VGLL4: variants seen among roughly 807,000 people sequenced by gnomAD.
VGLL4 encodes the protein transcription cofactor vestigial-like protein 4.
In VGLL4, 7 loss-of-function variants were observed where a neutral mutation model predicts 21.0. The observed-to-expected ratio is 0.33, with a 90% CI of 0.19 to 0.63. VGLL4 has a LOEUF of 0.63. VGLL4 is among the 20% of genes least tolerant of loss of function. The probability of loss-of-function intolerance (pLI) is 0.78; values close to 1 mark genes in which losing one functional copy is unlikely to be tolerated. For missense variants in VGLL4, 394 were observed against 425.7 expected (o/e 0.93, Z 0.66); for synonymous variants, 222 against 173.2 (o/e 1.28, Z -2.21).
At chr3:11,682,954 G>A (rs879606433) in intron 2 of VGLL4, among the ~76,000 whole-genome samples, 13 of 152,100 alleles carry the variant, frequency 8.5e-5, no homozygotes, top group Non-Finnish European at 1.2e-4. Flanking sequence ...GAGGCCAGGC[G>A]CGGTGGTTCA....
chr3:11,631,929 G>A (rs959637456), intron 1 of VGLL4, among the ~76,000 whole-genome samples: 2 of 152,136 alleles, frequency 1.3e-5, no homozygotes, highest in Non-Finnish European at 2.9e-5. Context: ...AATCCCCCTC[G>A]GAGTGCTGTA....
chr3:11,576,618 G>A (rs957968222), intron 2 of VGLL4, among the ~76,000 whole-genome samples: 13 of 152,226 alleles, frequency 8.5e-5, no homozygotes, highest in African/African-American at 3.1e-4. Context: ...TGAGACAGCT[G>A]AGGCGAGGAC....
chr3:11,673,812 G>A (rs368102253), intron 2 of VGLL4, among the ~76,000 whole-genome samples: 2 of 151,850 alleles, frequency 1.3e-5, no homozygotes, highest in Admixed American at 6.5e-5. Flanking sequence ...TCAGGGGTTC[G>A]AAACCAGCCT....
chr3:11,640,259 C>G (rs1053292920), intron 1 of VGLL4, among the ~76,000 whole-genome samples: 8 of 152,132 alleles, frequency 5.3e-5, no homozygotes, highest in African/African-American at 1.9e-4. Context: ...AGGGATGCAG[C>G]GGTCACCAAG....
At chr3:11,709,320 C>G (rs992979649) in intron 1 of VGLL4, among the ~76,000 whole-genome samples, 10 of 151,452 alleles carry the variant, frequency 6.6e-5, no homozygotes, top group African/African-American at 2.4e-4. Context: ...ACCTGTAATC[C>G]CAGCTACTCG....
At chr3:11,650,303 C>T (rs35545290) in intron 2 of VGLL4, among the ~76,000 whole-genome samples, 2,142 of 152,172 alleles carry the variant, frequency 0.014, 25 homozygotes, top group Non-Finnish European at 0.023. Flanking sequence ...GGCAATATGA[C>T]GATAGAAGAA....
chr3:11,658,624 C>T (rs1341220192), intron 2 of VGLL4, among the ~76,000 whole-genome samples: 4 of 151,874 alleles, frequency 2.6e-5, no homozygotes, highest in South Asian at 2.1e-4. Context: ...ACAGAATACG[C>T]GAACTATTCC....
chr3:11,715,828 T>C (rs1285638352), intron 1 of VGLL4, among the ~76,000 whole-genome samples: 2 of 152,176 alleles, frequency 1.3e-5, no homozygotes, highest in East Asian at 1.9e-4. Flanking sequence ...TTAATACCTA[T>C]TGTTGATTCA....
At position 11,556,706 on chromosome 3, in the gene VGLL4, C is replaced by CA. The variant is rs765220541; in HGVS notation, c.*1849dup. 2 of 152,656 alleles carry CA rather than the reference C, an allele frequency of 1.3e-5. No individual in the cohort carries two copies. Among genetic ancestry groups the CA allele is most frequent in the African/African-American group, 4.8e-5 (2 of 41,416 alleles). The allele number at this position is 152,656 out of a possible 1,614,324, so 9.5% of individuals were successfully genotyped here. A position where few individuals can be genotyped will look rare whatever the true frequency, so the allele number is the denominator to read the frequency against. ...ATATCATTAACAAATTAATGTTCTT[C>CA]AAAAAATACCTACAAATTTCTCTGT... On this transcript the variant is annotated 3_prime_UTR_variant, in exon 5 of 5. Transcript: ENST00000430365.
At chr3:11,571,343 G>A (rs1482113124) in intron 2 of VGLL4, among the ~76,000 whole-genome samples, 1 of 152,196 alleles carries the variant, frequency 6.6e-6, no homozygotes, top group Admixed American at 6.5e-5. Flanking sequence ...GCCACAGCCA[G>A]CATCACTGCC....
intron 2 of VGLL4, among the ~76,000 whole-genome samples, chr3:11,592,812 T>C (rs1437135192): frequency 6.6e-6 from 1 of 152,136 alleles, no homozygotes; most frequent in Non-Finnish European, 1.5e-5. Context: ...GGGATAACGA[T>C]AGTCTCCACC....
intron 1 of VGLL4, among the ~76,000 whole-genome samples, chr3:11,632,510 C>G (rs937288843): frequency 5.9e-5 from 9 of 151,990 alleles, no homozygotes; most frequent in South Asian, 2.1e-4. Context: ...GTTAACAGAT[C>G]AAGGAAAAAA....
chr3:11,613,493 A>G (rs901503482), intron 1 of VGLL4, among the ~76,000 whole-genome samples: 1 of 152,110 alleles, frequency 6.6e-6, no homozygotes, highest in Non-Finnish European at 1.5e-5. Flanking sequence ...CAGGCTGCCT[A>G]ATGGAAGAAT....
chr3:11,591,575 C>T (rs565138119), intron 2 of VGLL4, among the ~76,000 whole-genome samples: 8 of 152,358 alleles, frequency 5.3e-5, no homozygotes, highest in South Asian at 2.1e-4. Context: ...GCTCCCTGCT[C>T]GGATAAGGAG....
intron 3 of VGLL4, among the ~76,000 whole-genome samples, chr3:11,562,965 A>G (rs764742626): frequency 4.6e-5 from 7 of 152,256 alleles, no homozygotes; most frequent in Non-Finnish European, 8.8e-5. Context: ...AGCCAGGCCC[A>G]TTCCAGGCTG....
chr3:11,721,543 C>A (rs1384858601), upstream of VGLL4, among the ~76,000 whole-genome samples: 2 of 152,154 alleles, frequency 1.3e-5, no homozygotes, highest in Non-Finnish European at 2.9e-5. Flanking sequence ...GGTTCCCAGT[C>A]TTCCCAAAGG....
At chr3:11,626,791 C>G (rs2075359241) in intron 1 of VGLL4, among the ~76,000 whole-genome samples, 1 of 152,116 alleles carries the variant, frequency 6.6e-6, no homozygotes, top group Non-Finnish European at 1.5e-5. Context: ...AAGGCAAAGC[C>G]AGTCTTCCTA....
At chr3:11,644,741 G>A (rs373983364), upstream of VGLL4, among the ~76,000 whole-genome samples, 5 of 151,576 alleles carry the variant, frequency 3.3e-5, no homozygotes, top group East Asian at 5.8e-4. Flanking sequence ...AGCTACTCAG[G>A]AGGCTGAGGT....
At chr3:11,575,223 A>G (rs757993767) in intron 2 of VGLL4, among the ~76,000 whole-genome samples, 20 of 152,174 alleles carry the variant, frequency 1.3e-4, no homozygotes, top group Non-Finnish European at 2.9e-4. Flanking sequence ...CTGTGGTGCG[A>G]GAGGGAAGGC....
Sources: gnomAD v4.1 joint callset for allele counts (sites outside exome capture counted in the v4.1 genomes callset) on GRCh38, gnomAD v4.1.1 for gene constraint, MANE v1.5 for transcripts, NCBI Gene and HGNC (gene_info 2026-07-23, HGNC 2026-07-21) for gene names.